Variants in RTN4RL1 observed in about 807,000 individuals in gnomAD.
The protein encoded by RTN4RL1 is reticulon 4 receptor like 1.
In RTN4RL1, 7 loss-of-function variants were observed where a neutral mutation model predicts 25.6. That is an observed-to-expected ratio of 0.27 (90% CI 0.16 to 0.51). The LOEUF (loss-of-function observed/expected upper bound fraction) is 0.51. Among genes scored for constraint, RTN4RL1 ranks in the 20% least tolerant of loss-of-function variants. The pLI is 0.97. For synonymous variants in RTN4RL1, 297 were observed against 288.2 expected (o/e 1.03, Z -0.31); for missense variants, 500 against 615.6 (o/e 0.81, Z 1.99).
intron 1 of RTN4RL1, among the ~76,000 whole-genome samples, chr17:1,954,470 C>G (rs1226658538): frequency 6.7e-6 from 1 of 149,952 alleles, no homozygotes; most frequent in African/African-American, 2.5e-5. Context: ...CTCACTGCAA[C>G]CTCCGCCTCC....
intron 1 of RTN4RL1, among the ~76,000 whole-genome samples, chr17:1,942,583 A>G (rs917718703): frequency 1.3e-5 from 2 of 152,150 alleles, no homozygotes; most frequent in African/African-American, 2.4e-5. Flanking sequence ...TCTGGGAACC[A>G]GGGAGAAGGG....
In RTN4RL1 at chr17:2,005,514, C is replaced by T. The variant is rs569725499; in HGVS notation, c.13+19339G>A. Among the ~76,000 whole-genome samples the T allele has an allele frequency of 2.6e-5, 4 of 152,314 alleles. No individual in the cohort carries two copies. The East Asian group carries it at 7.7e-4, about 29-fold the overall frequency. ...TTAGGCCCTCCCTACCAAGCCCTTT[C>T]CTCTGATGAGGAGGAAGCTTCCATT... On this transcript the variant is annotated intron_variant, in intron 1 of 1. Transcript: ENST00000331238.
chr17:2,021,050 A>G (rs950331589), intron 1 of RTN4RL1, among the ~76,000 whole-genome samples: 2 of 152,198 alleles, frequency 1.3e-5, no homozygotes, highest in African/African-American at 4.8e-5. Context: ...ATGGAGAAGC[A>G]GGGAGGGCAG....
At chr17:1,980,520 C>A (rs1348128028) in intron 1 of RTN4RL1, among the ~76,000 whole-genome samples, 1 of 152,108 alleles carries the variant, frequency 6.6e-6, no homozygotes, top group African/African-American at 2.4e-5. Context: ...TGGCTCTGCC[C>A]TGGGTATTTG....
At chr17:1,966,787 CT>C (rs1386451525) in intron 1 of RTN4RL1, among the ~76,000 whole-genome samples, 3 of 152,262 alleles carry the variant, frequency 2.0e-5, no homozygotes, top group Admixed American at 2.0e-4. Context: ...CTACTGGTTC[CT>C]GGTTTAACAT....
intron 1 of RTN4RL1, among the ~76,000 whole-genome samples, chr17:1,989,835 G>A (rs1358656846): frequency 6.6e-6 from 1 of 151,912 alleles, no homozygotes; most frequent in Non-Finnish European, 1.5e-5. Context: ...GCTTCCCAAA[G>A]TTCTGGGATT....
intron 1 of RTN4RL1, among the ~76,000 whole-genome samples, chr17:1,991,300 G>A (rs2066907338): frequency 6.6e-6 from 1 of 152,046 alleles, no homozygotes. Context: ...GAGGAGCTGA[G>A]AAAAGGCCTG....
chr17:1,945,721 T>C (rs549904304), intron 1 of RTN4RL1, among the ~76,000 whole-genome samples: 1 of 152,348 alleles, frequency 6.6e-6, no homozygotes, highest in Admixed American at 6.5e-5. Context: ...ATTTTTCTTA[T>C]TGACTTTCCA....
chr17:2,024,708 C>A (rs2067250401), intron 1 of RTN4RL1, 145 bp downstream of exon 1: 1 of 689,958 alleles, frequency 1.4e-6, no homozygotes, highest in East Asian at 3.0e-5. Flanking sequence ...CAGCAGCAGC[C>A]CCTCGGCGGG....
chr17:2,003,617 G>A (rs570790880), intron 1 of RTN4RL1: 8 of 152,452 alleles, frequency 5.2e-5, no homozygotes, highest in African/African-American at 1.7e-4. Flanking sequence ...AGGATTTAAA[G>A]CATCTGCCCA....
chr17:1,948,279 C>T (rs993153204), intron 1 of RTN4RL1, among the ~76,000 whole-genome samples: 2 of 152,356 alleles, frequency 1.3e-5, no homozygotes, highest in African/African-American at 4.8e-5. Flanking sequence ...CCCGTGGCCT[C>T]TATTTCCACC....
chr17:1,967,026 T>A (rs2066794329), intron 1 of RTN4RL1, among the ~76,000 whole-genome samples: 1 of 151,896 alleles, frequency 6.6e-6, no homozygotes, highest in South Asian at 2.1e-4. Context: ...GACCCCGAGG[T>A]CTCAATTCAA....
chr17:2,021,204 G>T (rs772883844), intron 1 of RTN4RL1, among the ~76,000 whole-genome samples: 21 of 152,158 alleles, frequency 1.4e-4, no homozygotes, highest in Admixed American at 2.6e-4. Flanking sequence ...AAAATGTCAT[G>T]CCAGGGGACA....
intron 1 of RTN4RL1, among the ~76,000 whole-genome samples, chr17:1,954,981 T>C (rs1301160895): frequency 6.6e-6 from 1 of 152,220 alleles, no homozygotes; most frequent in African/African-American, 2.4e-5. Context: ...CCTCGGACCC[T>C]CTGCAGGATT....
chr17:1,942,864 G>A (rs1334581335), intron 1 of RTN4RL1, among the ~76,000 whole-genome samples: 8 of 152,298 alleles, frequency 5.3e-5, no homozygotes, highest in East Asian at 1.9e-4. Flanking sequence ...CCGTGCGAAG[G>A]CCCTGCAGTG....
intron 1 of RTN4RL1, among the ~76,000 whole-genome samples, chr17:1,968,589 C>T (rs4239062): frequency 0.39 from 58,585 of 151,720 alleles, 11,654 homozygotes; most frequent in Admixed American, 0.53. Context: ...AGGAGCTCAG[C>T]GCACTCAGGA....
At position 1,937,794 on chromosome 17, in the gene RTN4RL1, A is replaced by C. The variant is rs763186876; in HGVS notation, c.28T>G (p.Leu10Val). ...TCCGCAGCTACCAACAGCAGCAGCAACTCCACACAGCACCCTGGCAGGGAG... is the reference window on the plus strand; with the variant it reads ...TCCGCAGCTACCAACAGCAGCAGCACCTCCACACAGCACCCTGGCAGGGAG... Reference protein sequence around the residue: MLRKGCCVELLLLLVAAELP... With the variant: MLRKGCCVEVLLLLVAAELP... The change falls in exon 2 of 2, where the codon TTG (leucine) becomes GTG (valine). Residue 10 changes from leucine (L) to valine (V), a missense_variant. Leu to Val is a conservative substitution (Grantham distance 32). Transcript: ENST00000331238. 5.4e-5 allele frequency: 86 copies of C among 1,590,396 alleles called. 1 individual carries two copies. In the Admixed American group the frequency reaches 1.3e-3, roughly 24 times the overall value.
At chr17:1,984,158 G>T (rs997883203) in intron 1 of RTN4RL1, among the ~76,000 whole-genome samples, 1 of 152,224 alleles carries the variant, frequency 6.6e-6, no homozygotes, top group African/African-American at 2.4e-5. Flanking sequence ...CTCCTTTCGA[G>T]AAGCCGATAA....
intron 1 of RTN4RL1, among the ~76,000 whole-genome samples, chr17:1,974,733 G>A (rs2066835316): frequency 7.1e-6 from 1 of 141,086 alleles, no homozygotes; most frequent in Admixed American, 7.0e-5. Context: ...GAGGGGGGAG[G>A]GAATAAATAC....
Sources: gnomAD v4.1 joint callset for allele counts (sites outside exome capture counted in the v4.1 genomes callset) on GRCh38, gnomAD v4.1.1 for gene constraint, MANE v1.5 for transcripts, NCBI Gene and HGNC (gene_info 2026-07-23, HGNC 2026-07-21) for gene names.